The following PLEKHA6 variants were observed in gnomAD, a reference collection of about 807,000 sequenced individuals.
The protein encoded by PLEKHA6 is pleckstrin homology domain-containing family A member 6.
A neutral mutation model predicts 116.7 loss-of-function variants in PLEKHA6; 60 were observed. The ratio of observed to expected loss-of-function variants is 0.51; its 90% CI spans 0.42 to 0.64. PLEKHA6 has a LOEUF of 0.64. Ranked by LOEUF, PLEKHA6 falls within the 30% of genes least tolerant of loss-of-function variation. PLEKHA6 has a pLI of 0.00. For synonymous variants in PLEKHA6, 489 were observed against 556.1 expected (o/e 0.88, Z 1.70); for missense variants, 1,338 against 1,422.7 (o/e 0.94, Z 0.96).
rs1235552963 is a variant in PLEKHA6, at chr1:204,223,166, T to C, written c.*8+296A>G. ...TGGGGTGTCAGGGAAGAGCCTTCCC[T>C]GAGAGCAGACAGGTGAGGTCTCGGC... On this transcript the variant is annotated intron_variant, in intron 22 of 22. Transcript: ENST00000272203. This position sits in a 1 kb window ranked among gnomAD's most constrained non-coding sequence, Gnocchi z 4.8. Among the ~76,000 whole-genome samples the C allele has an allele frequency of 6.6e-6, 1 of 152,108 alleles. No individual in the cohort carries two copies. Among genetic ancestry groups the C allele is most frequent in the Non-Finnish European group, 1.5e-5 (1 of 68,012 alleles).
chr1:204,241,949 T>G (rs1662886252), intron 15 of PLEKHA6, 135 bp from the exon 16 acceptor site: 1 of 975,284 alleles, frequency 1.0e-6, no homozygotes. Context: ...ATTCTATGTG[T>G]GCCGCCTGGG....
At chr1:204,320,574 A>G in intron 1 of PLEKHA6, 1 of 716,724 alleles carries the variant, frequency 1.4e-6, no homozygotes, top group Non-Finnish European at 1.7e-6. Context: ...GGGCAAAGAG[A>G]TAGGGAAACT....
intron 1 of PLEKHA6, 152 bp downstream of exon 1, chr1:204,359,542 A>G (rs528480355): frequency 4.4e-6 from 4 of 912,168 alleles, no homozygotes; most frequent in Non-Finnish European, 5.2e-6. Flanking sequence ...ATGATCCCCA[A>G]GTAAGGCTGC....
rs550846009 is a variant in PLEKHA6 at position 204,365,175 on chromosome 1, C to T, written c.218+2624G>A. ...TGGGAGGTGAGGCTGGGAAGGGGGG[C>T]GGGAGCGAGACTATGATGCCCTTTA... On this transcript the variant is annotated intron_variant, in intron 3 of 4. Coordinates refer to the PLEKHA6 transcript ENST00000564627. Among the ~76,000 whole-genome samples, 4 of 151,540 alleles carry T rather than the reference C, an allele frequency of 2.6e-5. No individual in the cohort carries two copies. The South Asian group carries it at 6.3e-4, about 24-fold the overall frequency.
chr1:204,366,859 G>T (rs754397139), intron 3 of PLEKHA6, among the ~76,000 whole-genome samples: 1 of 152,246 alleles, frequency 6.6e-6, no homozygotes, highest in African/African-American at 2.4e-5. Flanking sequence ...GATTGGAAAC[G>T]TAACCCCTCC....
At position 204,259,634 on chromosome 1, in the gene PLEKHA6, C is replaced by T. The variant is rs745842895; in HGVS notation, c.631G>A (p.Gly211Ser). ...GCCTTCTCACAGCCTCGGCCATCAC[C>T]CTCCCCTCGAGTCTTGGCCTCTGGC... ...PEPEAKTRGE[G>S]DGRGCEKAER... Residue 211 changes from glycine (G) to serine (S), a missense_variant, in exon 8 of 23, where the codon GGT becomes AGT. Around this residue, in one of 3 missense-constraint regions of PLEKHA6, gnomAD observed 1,136 missense variants for 1,163.6 expected, o/e 0.98. Transcript: ENST00000272203. This position sits in a 1 kb window ranked among gnomAD's most constrained non-coding sequence, Gnocchi z 4.6. 3 of 1,614,048 alleles carry T rather than the reference C, an allele frequency of 1.9e-6. No individual in the cohort carries two copies. The highest frequency in any genetic ancestry group is 4.5e-5 in the East Asian group (2 of 44,888).
At chr1:204,280,514 G>T in intron 1 of PLEKHA6, 1 of 955,654 alleles carries the variant, frequency 1.0e-6, no homozygotes, top group South Asian at 4.8e-5. Context: ...TGCTGACAAA[G>T]AATTAGCCCT....
intron 14 of PLEKHA6, among the ~76,000 whole-genome samples, chr1:204,245,303 G>A (rs1663483995): frequency 6.6e-6 from 1 of 152,188 alleles, no homozygotes; most frequent in South Asian, 2.1e-4. Context: ...CTCTAAGGTA[G>A]GGGTCACATG....
At chr1:204,251,814 G>A (rs1028242480) in intron 9 of PLEKHA6, among the ~76,000 whole-genome samples, 3 of 152,140 alleles carry the variant, frequency 2.0e-5, no homozygotes, top group African/African-American at 7.2e-5. Flanking sequence ...GCCACAGAAG[G>A]GGCCGGGAGG....
intron 17 of PLEKHA6, among the ~76,000 whole-genome samples, chr1:204,234,531 A>G (rs777778231): frequency 6.6e-5 from 10 of 152,162 alleles, no homozygotes; most frequent in Non-Finnish European, 1.5e-4. Flanking sequence ...AACGCACATT[A>G]TGATAATTTT....
chr1:204,326,641 T>A (rs1451923616), intron 1 of PLEKHA6, among the ~76,000 whole-genome samples: 1 of 152,218 alleles, frequency 6.6e-6, no homozygotes, highest in Non-Finnish European at 1.5e-5. Flanking sequence ...CACAACACAT[T>A]TCTAGCAAAT....
intron 1 of PLEKHA6, among the ~76,000 whole-genome samples, chr1:204,279,689 T>C (rs750921794): frequency 6.6e-6 from 1 of 152,158 alleles, no homozygotes. Flanking sequence ...TGGTCACTTA[T>C]CCACAATGAG....
At chr1:204,230,651 A>C in intron 17 of PLEKHA6, 65 bp from the exon 18 acceptor site, 1 of 1,366,792 alleles carries the variant, frequency 7.3e-7, no homozygotes. Flanking sequence ...TTCCATCCTG[A>C]ACCCTTAACA....
chr1:204,260,638 T>A (rs1665982660), intron 7 of PLEKHA6, among the ~76,000 whole-genome samples: 1 of 152,176 alleles, frequency 6.6e-6, no homozygotes, highest in Non-Finnish European at 1.5e-5. Flanking sequence ...TGGTAAACAT[T>A]TCTAAGATAT....
intron 3 of PLEKHA6, among the ~76,000 whole-genome samples, 185 bp downstream of exon 3, chr1:204,273,441 C>T (rs114674743): frequency 0.016 from 2,459 of 152,272 alleles, 71 homozygotes; most frequent in African/African-American, 0.057. Context: ...TGGTCTTCTA[C>T]GAGGTTCTGA....
At chr1:204,372,643 C>T (rs1008008642) in intron 1 of PLEKHA6, among the ~76,000 whole-genome samples, 4 of 152,114 alleles carry the variant, frequency 2.6e-5, no homozygotes, top group African/African-American at 9.7e-5. Context: ...AAAAAATTTA[C>T]AATTTAATAG....
chr1:204,308,056 C>G lies in PLEKHA6; in HGVS notation c.-94-33247G>C, dbSNP rs115281822. ...CACCTCTCCCAATTTTCTGCATATCCTTCTTATGGAGCTCCCCTTTCTTTT... is the reference window on the plus strand; with the variant it reads ...CACCTCTCCCAATTTTCTGCATATCGTTCTTATGGAGCTCCCCTTTCTTTT... On this transcript the variant is annotated intron_variant, in intron 1 of 22. Coordinates refer to ENST00000272203, the MANE Select transcript of PLEKHA6 (RefSeq NM_014935.5). Among the ~76,000 whole-genome samples the G allele has an allele frequency of 3.2e-3, 492 of 152,318 alleles. 3 individuals carry two copies. Among genetic ancestry groups the G allele is most frequent in the African/African-American group, 0.012 (478 of 41,564 alleles).
chr1:204,365,182 G>A (rs768837493), intron 3 of PLEKHA6, among the ~76,000 whole-genome samples: 2 of 152,224 alleles, frequency 1.3e-5, no homozygotes, highest in East Asian at 1.9e-4. Context: ...GGGCGGGAGC[G>A]AGACTATGAT....
At chr1:204,262,566 C>T (rs527604877) in intron 6 of PLEKHA6, among the ~76,000 whole-genome samples, 3 of 152,254 alleles carry the variant, frequency 2.0e-5, no homozygotes, top group African/African-American at 4.8e-5. Flanking sequence ...CCTCTGACCC[C>T]TTGAGCCCTA....
Sources: allele counts gnomAD v4.1 joint callset (sites outside exome capture counted in the v4.1 genomes callset), GRCh38; gene constraint gnomAD v4.1.1; regional missense constraint gnomAD v4.1.1; non-coding constraint Gnocchi (gnomAD v3.1); transcripts MANE v1.5; gene names NCBI Gene and HGNC (gene_info 2026-07-23, HGNC 2026-07-21).